YWHAE: variants seen among roughly 807,000 people sequenced by gnomAD.
YWHAE encodes the protein tyrosine 3-monooxygenase/tryptophan 5-monooxygenase activation protein epsilon.
Under a neutral mutation model 30.1 loss-of-function variants are expected in YWHAE, and 4 were observed. The ratio of observed to expected loss-of-function variants is 0.13; its 90% CI spans 0.07 to 0.30. The LOEUF (loss-of-function observed/expected upper bound fraction) is 0.30. Among genes scored for constraint, YWHAE ranks in the 10% least tolerant of loss-of-function variants. The probability of loss-of-function intolerance (pLI) is 1.00; values close to 1 mark genes in which losing one functional copy is unlikely to be tolerated. For missense variants in YWHAE, 121 were observed against 315.9 expected (o/e 0.38, Z 4.68); for synonymous variants, 118 against 111.8 (o/e 1.06, Z -0.35).
At chr17:1,362,516 TAAC>T (rs892021613) in intron 2 of YWHAE, among the ~76,000 whole-genome samples, 9 of 152,218 alleles carry the variant, frequency 5.9e-5, no homozygotes, top group Admixed American at 2.0e-4. Flanking sequence ...CTCACATCCT[TAAC>T]AACATTCACC....
chr17:1,373,130 C>T lies in YWHAE; in HGVS notation c.65-8072G>A, dbSNP rs537447748. Among the ~76,000 whole-genome samples, 147 of 152,134 alleles carry T rather than the reference C, an allele frequency of 9.7e-4. No homozygotes were observed. In the South Asian group the frequency reaches 0.03, roughly 31 times the overall value. On this transcript the variant is annotated intron_variant, in intron 1 of 5. Coordinates refer to ENST00000264335, the MANE Select transcript of YWHAE (RefSeq NM_006761.5). ...TGGGGGCGCGTGCCTGTAATCCCAG[C>T]TACTCGGGACGCTGAGGCAGGAGAA...
chr17:1,361,348 G>A (rs763188064), intron 3 of YWHAE, 50 bp from the exon 4 acceptor site: 17 of 1,445,186 alleles, frequency 1.2e-5, no homozygotes, highest in South Asian at 2.6e-5. Flanking sequence ...AACTAGGAAC[G>A]ATTTTTAAAG....
chr17:1,373,198 G>A (rs1240486895), intron 1 of YWHAE, among the ~76,000 whole-genome samples: 1 of 151,790 alleles, frequency 6.6e-6, no homozygotes, highest in Non-Finnish European at 1.5e-5. Flanking sequence ...AGCCAAGATG[G>A]CGCCCTTACA....
intron 1 of YWHAE, among the ~76,000 whole-genome samples, chr17:1,389,467 C>A (rs549294685): frequency 2.6e-5 from 4 of 152,020 alleles, no homozygotes; most frequent in Non-Finnish European, 4.4e-5. Flanking sequence ...ATAGCTAACA[C>A]CATTTTTCTT....
intron 5 of YWHAE, among the ~76,000 whole-genome samples, chr17:1,349,322 A>C (rs1383823648): frequency 2.0e-5 from 3 of 152,162 alleles, no homozygotes; most frequent in Admixed American, 1.3e-4. Context: ...ACCCTGGGCA[A>C]CAGAGTGATA....
At chr17:1,387,217 G>A (rs922889504) in intron 1 of YWHAE, among the ~76,000 whole-genome samples, 11 of 152,182 alleles carry the variant, frequency 7.2e-5, no homozygotes, top group African/African-American at 2.4e-4. Context: ...AATATTGGGG[G>A]TGGGGGAGTA....
intron 5 of YWHAE, among the ~76,000 whole-genome samples, chr17:1,350,054 G>C (rs1391306364): frequency 6.7e-6 from 1 of 150,026 alleles, no homozygotes; most frequent in Non-Finnish European, 1.5e-5. Flanking sequence ...CCAGGTTCAA[G>C]CGATTCTCCT....
intron 1 of YWHAE, among the ~76,000 whole-genome samples, chr17:1,389,760 G>A (rs931015345): frequency 2.6e-5 from 4 of 152,084 alleles, no homozygotes; most frequent in East Asian, 1.9e-4. Flanking sequence ...TCAATCTGCT[G>A]ACCTCGTAGT....
At chr17:1,383,186 A>G (rs1403818805) in intron 1 of YWHAE, among the ~76,000 whole-genome samples, 2 of 151,822 alleles carry the variant, frequency 1.3e-5, no homozygotes, top group Non-Finnish European at 2.9e-5. Context: ...CCCCATCTCT[A>G]CTAAAAATAC....
chr17:1,372,482 G>A (rs968762135), intron 1 of YWHAE, among the ~76,000 whole-genome samples: 1 of 152,162 alleles, frequency 6.6e-6, no homozygotes, highest in African/African-American at 2.4e-5. Context: ...ACCGTGTCTC[G>A]GCTTTTAAGG....
At chr17:1,371,291 C>T (rs2073039140) in intron 1 of YWHAE, among the ~76,000 whole-genome samples, 4 of 152,048 alleles carry the variant, frequency 2.6e-5, no homozygotes, top group Admixed American at 1.3e-4. Flanking sequence ...TGCCATGTTC[C>T]TCAGGCTGGT....
At position 1,354,198 on chromosome 17, in the gene YWHAE, C is replaced by A. The variant is rs749280403; in HGVS notation, c.715+13G>T. The A allele has an allele frequency of 1.9e-6, 3 of 1,609,976 alleles. No homozygotes were observed. The highest frequency in any genetic ancestry group is 1.7e-6 in the Non-Finnish European group (2 of 1,178,474). ...ACTGAAAGAGGTGCCTGTTTCACTCCGTGCTTGCTTACCGTCACCCTGCAT... is the reference window on the plus strand; with the variant it reads ...ACTGAAAGAGGTGCCTGTTTCACTCAGTGCTTGCTTACCGTCACCCTGCAT... On this transcript the variant is annotated intron_variant, in intron 5 of 5. Transcript: ENST00000264335.
chr17:1,386,455 C>G (rs12938116), intron 1 of YWHAE, among the ~76,000 whole-genome samples: 14,849 of 152,216 alleles, frequency 0.098, 924 homozygotes, highest in Non-Finnish European at 0.14. Context: ...CTGATGAATC[C>G]CAAGTGTCTA....
In YWHAE at chr17:1,345,405, G is replaced by A; in HGVS notation, c.*42C>T. On this transcript the variant is annotated 3_prime_UTR_variant, in exon 6 of 6. Coordinates refer to ENST00000264335, the MANE Select transcript of YWHAE (RefSeq NM_006761.5). ...GAGTTTCCAAAGGGTGGGATGGGGA[G>A]GAGGGGGTGGTCAGAGATGGTTTCT... The A allele has an allele frequency of 6.2e-7, 1 of 1,606,720 alleles. No homozygotes were observed. The highest frequency in any genetic ancestry group is 1.7e-4 in the Middle Eastern group (1 of 6,036).
intron 5 of YWHAE, chr17:1,352,231 T>G (rs377668121): frequency 2.3e-4 from 35 of 152,318 alleles, no homozygotes; most frequent in African/African-American, 7.7e-4. Flanking sequence ...AAGTAAGTCC[T>G]ACGTATGTGA....
chr17:1,381,871 C>A lies in YWHAE; in HGVS notation c.65-16813G>T, dbSNP rs1246627932. On this transcript the variant is annotated intron_variant, in intron 1 of 5. Coordinates refer to ENST00000264335, the MANE Select transcript of YWHAE (RefSeq NM_006761.5). ...AAGGCTGCAGTGAGCCCAGACTGGC[C>A]CACTGTACTCCAGCCTGCACGAGAG... Among the ~76,000 whole-genome samples, 3 of 147,676 alleles carry A rather than the reference C, an allele frequency of 2.0e-5. No homozygotes were observed. In the Admixed American group the frequency reaches 2.0e-4, roughly 10 times the overall value.
rs2072690781 is a variant in YWHAE, at chr17:1,354,347, C to T, written c.579G>A (p.Arg193=). 6.2e-7 allele frequency: 1 copy of T among 1,612,098 alleles called. No homozygotes were observed. Among genetic ancestry groups the T allele is most frequent in the Admixed American group, 1.7e-5 (1 of 59,480 alleles). The change falls in exon 5 of 6, where the codon AGG becomes AGA. Residue 193 remains arginine, a splice_region_variant and synonymous_variant. Transcript: ENST00000264335. ...CATCATCAAAAGCTGCTTTTGCCAA[C>T]CTAAAGGTATTTCAATAGAAGTGTT... is the stretch of plus-strand genomic sequence containing the variant. ...EILNSPDRAC[R]LAKAAFDDAI...
At chr17:1,379,652 G>A (rs554337481) in intron 1 of YWHAE, among the ~76,000 whole-genome samples, 1 of 152,108 alleles carries the variant, frequency 6.6e-6, no homozygotes, top group Admixed American at 6.6e-5. Flanking sequence ...AAAACAAAAT[G>A]CAAGAATAGT....
chr17:1,377,651 G>C (rs1426261987), intron 1 of YWHAE, among the ~76,000 whole-genome samples: 1 of 152,098 alleles, frequency 6.6e-6, no homozygotes, highest in East Asian at 1.9e-4. Flanking sequence ...GTTCTGGAAA[G>C]GTCCTGAGCT....
Sources: gnomAD v4.1 joint callset for allele counts (sites outside exome capture counted in the v4.1 genomes callset) on GRCh38, gnomAD v4.1.1 for gene constraint, MANE v1.5 for transcripts, NCBI Gene and HGNC (gene_info 2026-07-23, HGNC 2026-07-21) for gene names.